FBXO30: variants seen among roughly 807,000 people sequenced by gnomAD.
FBXO30 encodes the protein F-box protein 30.
FBXO30 carries 21 observed loss-of-function variants against 58.1 expected under a neutral mutation model. The ratio of observed to expected loss-of-function variants is 0.36; its 90% confidence interval spans 0.26 to 0.52. The LOEUF (loss-of-function observed/expected upper bound fraction) is 0.52. Among genes scored for constraint, FBXO30 ranks in the 20% least tolerant of loss-of-function variants. The pLI is 0.93. For missense variants in FBXO30, 744 were observed against 897.3 expected (o/e 0.83, Z 2.18); for synonymous variants, 309 against 312.4 (o/e 0.99, Z 0.11).
At chr6:145,809,075 T>C (rs1184723894) in intron 1 of FBXO30, among the ~76,000 whole-genome samples, 1 of 152,338 alleles carries the variant, frequency 6.6e-6, no homozygotes, top group African/African-American at 2.4e-5. Context: ...TATTTTTTAA[T>C]TGTGTTAAAA....
rs1777919105 is a variant in FBXO30 at position 145,798,897 on chromosome 6, A to T, written c.*1209T>A. The T allele has an allele frequency of 6.6e-6, 1 of 152,090 alleles. No individual in the cohort carries two copies. Among genetic ancestry groups the T allele is most frequent in the Non-Finnish European group, 1.5e-5 (1 of 67,974 alleles). 9.4% of individuals were successfully genotyped at this position (152,090 alleles called of 1,614,324 possible). On this transcript the variant is annotated 3_prime_UTR_variant, in exon 3 of 3. Transcript: ENST00000237281. ...CTTAAGACAAATTATTTAAGTATAT[A>T]TTCCCACCTTTGCAATTTATTTCTA... is the stretch of plus-strand genomic sequence containing the variant.
intron 1 of FBXO30, among the ~76,000 whole-genome samples, chr6:145,812,222 T>C (rs1263227023): frequency 5.3e-5 from 8 of 152,162 alleles, no homozygotes; most frequent in Non-Finnish European, 1.0e-4. Context: ...AGATAAAATA[T>C]ATCAAAACAT....
chr6:145,797,930 GC>G lies in FBXO30; in HGVS notation c.*2175del, dbSNP rs1382310894. 1 of 151,980 alleles carries G rather than the reference GC, an allele frequency of 6.6e-6. No homozygotes were observed. The highest frequency in any genetic ancestry group is 1.5e-5 in the Non-Finnish European group (1 of 67,928). The allele number at this position is 151,980 out of a possible 1,614,324, so 9.4% of individuals were successfully genotyped here. A position where few individuals can be genotyped will look rare whatever the true frequency, so the allele number is the denominator to read the frequency against. On this transcript the variant is annotated 3_prime_UTR_variant, in exon 3 of 3. Coordinates refer to ENST00000237281, the MANE Select transcript of FBXO30 (RefSeq NM_032145.5). ...TGACAACTTTTAGAGCTATAACCAT[GC>G]TAGAAACTCTTCCGCCTTTCAGTGC...
Position 145,794,791 on chromosome 6 carries a change from A to G in FBXO30, c.*5315T>C, listed in dbSNP as rs538884116. 4 of 151,798 alleles carry G rather than the reference A, an allele frequency of 2.6e-5. No individual in the cohort carries two copies. Among genetic ancestry groups the G allele is most frequent in the Non-Finnish European group, 5.9e-5 (4 of 67,776 alleles). 9.4% of individuals were successfully genotyped at this position (151,798 alleles called of 1,614,324 possible). A position where few individuals can be genotyped will look rare whatever the true frequency, so the allele number is the denominator to read the frequency against. On this transcript the variant is annotated 3_prime_UTR_variant, in exon 3 of 3. Coordinates refer to ENST00000237281, the MANE Select transcript of FBXO30 (RefSeq NM_032145.5). Reference sequence around the variant, plus strand: ...TTTTTGAAGAAAAAAATGAAAAAAAATTTGTTTCTTCACGGGTGAGCTGAG... The same window carrying G: ...TTTTTGAAGAAAAAAATGAAAAAAAGTTTGTTTCTTCACGGGTGAGCTGAG...
At position 145,794,026 on chromosome 6, in the gene FBXO30, C is replaced by T. The variant is rs2128662946; in HGVS notation, c.*6080G>A. 1 of 152,050 alleles carries T rather than the reference C, an allele frequency of 6.6e-6. No individual in the cohort carries two copies. The highest frequency in any genetic ancestry group is 1.9e-4 in the East Asian group (1 of 5,180). 9.4% of individuals were successfully genotyped at this position (152,050 alleles called of 1,614,324 possible). On this transcript the variant is annotated 3_prime_UTR_variant, in exon 3 of 3. Coordinates refer to ENST00000237281, the MANE Select transcript of FBXO30 (RefSeq NM_032145.5). ...CATTTTAAAGTATACAATTCACTGG[C>T]ATTTTGGCACATTCACAATGTGCAA... is the stretch of plus-strand genomic sequence containing the variant.
intron 1 of FBXO30, among the ~76,000 whole-genome samples, chr6:145,808,591 A>C (rs1458919921): frequency 6.6e-6 from 1 of 152,188 alleles, no homozygotes; most frequent in East Asian, 1.9e-4. Flanking sequence ...AAAAGTTTCA[A>C]TTACCATACA....
At chr6:145,807,918 TG>T (rs1562246681) in intron 1 of FBXO30, among the ~76,000 whole-genome samples, 2 of 151,876 alleles carry the variant, frequency 1.3e-5, no homozygotes, top group African/African-American at 4.8e-5. Context: ...ATTTGAGGCC[TG>T]GAGTTCAAGA....
chr6:145,802,716 G>A (rs911256265), intron 2 of FBXO30, among the ~76,000 whole-genome samples: 1 of 152,058 alleles, frequency 6.6e-6, no homozygotes, highest in Non-Finnish European at 1.5e-5. Context: ...GAATATATTG[G>A]AGAAGGGCCC....
chr6:145,810,256 T>C (rs1485571308), intron 1 of FBXO30, among the ~76,000 whole-genome samples: 1 of 132,324 alleles, frequency 7.6e-6, no homozygotes, highest in Non-Finnish European at 1.6e-5. Context: ...GTTAAGAAAA[T>C]ATAGTAGTCA....
chr6:145,813,756 C>A (rs1210676302), intron 1 of FBXO30, among the ~76,000 whole-genome samples: 1 of 152,166 alleles, frequency 6.6e-6, no homozygotes, highest in East Asian at 1.9e-4. Context: ...GGATCAGAGT[C>A]AACGAAGTAA....
Position 145,804,734 on chromosome 6 carries a change from C to T in FBXO30, c.1672G>A (p.Ala558Thr). Residue 558 changes from alanine (A) to threonine (T), a missense_variant, in exon 2 of 3, where the codon GCT (alanine) becomes ACT (threonine). Physicochemically the swap from Ala to Thr is moderately conservative, Grantham distance 58 (BLOSUM62 0). This residue lies in a region of FBXO30 where 334 missense variants were observed against 433.7 expected (regional missense o/e 0.77). Transcript: ENST00000237281. Reference sequence around the variant, plus strand: ...TGAGAATAGGTACAACCATAGTAAGCTAAAGGGCACCTCTGTTCCATCCAG... The same window carrying T: ...TGAGAATAGGTACAACCATAGTAAGTTAAAGGGCACCTCTGTTCCATCCAG... ...NGWMEQRCPL[A>T]YYGCTYSQRR... 1 of 1,613,914 alleles carries T rather than the reference C, an allele frequency of 6.2e-7. No individual in the cohort carries two copies. Among genetic ancestry groups the T allele is most frequent in the South Asian group, 1.1e-5 (1 of 91,078 alleles).
rs917368841 is a variant in FBXO30 at position 145,804,852 on chromosome 6, C to T, written c.1554G>A (p.Met518Ile). ...ATAACTGTCCACACACAAAGGTAAACATTGAACGCTGCTTGGGTTGGTACC... is the reference window on the plus strand; with the variant it reads ...ATAACTGTCCACACACAAAGGTAAATATTGAACGCTGCTTGGGTTGGTACC... ...VARYQPKQRS[M>I]FTFVCGQLFR... The change falls in exon 2 of 3, where the codon ATG becomes ATA. Residue 518 changes from methionine to isoleucine, a missense_variant. This residue lies in a region of FBXO30 where 334 missense variants were observed against 433.7 expected (regional missense o/e 0.77). Transcript: ENST00000237281. 6.2e-7 allele frequency: 1 copy of T among 1,613,796 alleles called. No individual in the cohort carries two copies.
chr6:145,806,537 A>G, intron 1 of FBXO30, 116 bp from the exon 2 acceptor site: 1 of 750,228 alleles, frequency 1.3e-6, no homozygotes, highest in Non-Finnish European at 2.1e-6. Context: ...TTAGGATGAC[A>G]TATATAAAAT....
intron 1 of FBXO30, among the ~76,000 whole-genome samples, chr6:145,810,340 A>G (rs2128667956): frequency 6.6e-6 from 1 of 152,282 alleles, no homozygotes; most frequent in African/African-American, 2.4e-5. Context: ...TCCTCTTCCT[A>G]ATCAAGACCA....
rs1777939032 is a variant in FBXO30, at chr6:145,799,702, A to G, written c.*404T>C. The G allele has an allele frequency of 6.4e-6, 1 of 155,762 alleles. No homozygotes were observed. Among genetic ancestry groups the G allele is most frequent in the African/African-American group, 2.4e-5 (1 of 41,436 alleles). The allele number at this position is 155,762 out of a possible 1,614,324, so 9.6% of individuals were successfully genotyped here. A position where few individuals can be genotyped will look rare whatever the true frequency, so the allele number is the denominator to read the frequency against. On this transcript the variant is annotated 3_prime_UTR_variant, in exon 3 of 3. Transcript: ENST00000237281. ...AATTCAGAATATTTTTATATGAAAAACCTATGCTGTAAAAAATCTCAATCA... is the reference window on the plus strand; with the variant it reads ...AATTCAGAATATTTTTATATGAAAAGCCTATGCTGTAAAAAATCTCAATCA...
At chr6:145,809,458 T>G (rs1778274762) in intron 1 of FBXO30, among the ~76,000 whole-genome samples, 1 of 152,152 alleles carries the variant, frequency 6.6e-6, no homozygotes, top group African/African-American at 2.4e-5. Context: ...GTACACACCA[T>G]CACATGACAT....
intron 1 of FBXO30, among the ~76,000 whole-genome samples, chr6:145,814,222 G>A (rs987802961): frequency 6.6e-6 from 1 of 152,166 alleles, no homozygotes; most frequent in African/African-American, 2.4e-5. Context: ...CAGACGGAAC[G>A]AGAAGCTTAG....
At position 145,794,160 on chromosome 6, in the gene FBXO30, C is replaced by T. The variant is rs932514245; in HGVS notation, c.*5946G>A. 10 of 151,958 alleles carry T rather than the reference C, an allele frequency of 6.6e-5. No individual in the cohort carries two copies. The highest frequency in any genetic ancestry group is 1.5e-4 in the Non-Finnish European group (10 of 67,886). 9.4% of individuals were successfully genotyped at this position (151,958 alleles called of 1,614,324 possible). Reference sequence around the variant, plus strand: ...CAGCAACCATGAATCTGATTTATCTCTATGAATTTACCTATTCTGCATATT... The same window carrying T: ...CAGCAACCATGAATCTGATTTATCTTTATGAATTTACCTATTCTGCATATT... On this transcript the variant is annotated 3_prime_UTR_variant, in exon 3 of 3. Transcript: ENST00000237281.
At chr6:145,800,338 A>G in intron 2 of FBXO30, 29 bp from the exon 3 acceptor site, 1 of 1,586,640 alleles carries the variant, frequency 6.3e-7, no homozygotes, top group Non-Finnish European at 8.6e-7. Flanking sequence ...TTAGATTTAA[A>G]CAAGTCAATG....
Sources: gnomAD v4.1 joint callset for allele counts (sites outside exome capture counted in the v4.1 genomes callset) on GRCh38, gnomAD v4.1.1 for gene constraint, gnomAD v4.1.1 regional missense constraint, MANE v1.5 for transcripts, NCBI Gene and HGNC (gene_info 2026-07-23, HGNC 2026-07-21) for gene names.